The following RABGAP1L variants were observed in gnomAD, a reference collection of about 807,000 sequenced individuals.
RABGAP1L encodes RAB GTPase activating protein 1 like.
RABGAP1L carries 63 observed loss-of-function variants against 137.7 expected under a neutral mutation model. That is an observed-to-expected ratio of 0.46 (90% CI 0.37 to 0.56). The LOEUF is 0.56. Ranked by LOEUF, RABGAP1L falls within the 20% of genes least tolerant of loss-of-function variation. The pLI is 0.00. For synonymous variants in RABGAP1L, 431 were observed against 433.7 expected (o/e 0.99, Z 0.08); for missense variants, 1,095 against 1,244.0 (o/e 0.88, Z 1.80).
chr1:174,865,162 T>G (rs546135819), intron 19 of RABGAP1L, among the ~76,000 whole-genome samples: 1 of 152,190 alleles, frequency 6.6e-6, no homozygotes, highest in South Asian at 2.1e-4. Context: ...ACGTGCCACT[T>G]GCACAAATAT....
At chr1:174,355,317 C>T (rs1301039336) in intron 11 of RABGAP1L, among the ~76,000 whole-genome samples, 1 of 151,740 alleles carries the variant, frequency 6.6e-6, no homozygotes, top group African/African-American at 2.4e-5. Flanking sequence ...TTTGTAGGGA[C>T]ATGGATGAAA....
intron 1 of RABGAP1L, among the ~76,000 whole-genome samples, chr1:174,180,297 C>T (rs1173808000): frequency 6.6e-6 from 1 of 152,204 alleles, no homozygotes; most frequent in Non-Finnish European, 1.5e-5. Flanking sequence ...GGTGTGACCA[C>T]ACTGTCATTT....
At chr1:174,528,813 C>T (rs1269055583) in intron 13 of RABGAP1L, among the ~76,000 whole-genome samples, 2 of 151,880 alleles carry the variant, frequency 1.3e-5, no homozygotes, top group East Asian at 1.9e-4. Flanking sequence ...ATTCTCCCTT[C>T]GCCATCTGGG....
chr1:174,977,795 CAGAT>C (rs1395559689), intron 22 of RABGAP1L, among the ~76,000 whole-genome samples: 3 of 152,148 alleles, frequency 2.0e-5, no homozygotes, highest in African/African-American at 7.2e-5. Context: ...TAAATTATGT[CAGAT>C]AGAGAATAAA....
chr1:174,972,595 G>A (rs898320521), intron 21 of RABGAP1L, among the ~76,000 whole-genome samples: 1 of 152,086 alleles, frequency 6.6e-6, no homozygotes, highest in Non-Finnish European at 1.5e-5. Context: ...GCTCACGCCT[G>A]TAATCCTAGC....
intron 13 of RABGAP1L, among the ~76,000 whole-genome samples, chr1:174,403,166 A>C (rs925393882): frequency 6.7e-6 from 1 of 150,044 alleles, no homozygotes; most frequent in Non-Finnish European, 1.5e-5. Context: ...TTTTCTCCCA[A>C]ATGAATCTTT....
chr1:174,931,989 G>GTTTTTT (rs1558247691), intron 19 of RABGAP1L, among the ~76,000 whole-genome samples: 13 of 94,152 alleles, frequency 1.4e-4, no homozygotes, highest in Admixed American at 2.1e-4. Context: ...CTGCTTTTTT[G>GTTTTTT]GTTTTTTTTT....
intron 13 of RABGAP1L, among the ~76,000 whole-genome samples, chr1:174,567,691 T>A (rs1667677093): frequency 6.6e-6 from 1 of 152,196 alleles, no homozygotes; most frequent in East Asian, 1.9e-4. Flanking sequence ...TTGCTATCAT[T>A]GTTATTAGTT....
chr1:174,644,076 G>A (rs1388826746), intron 14 of RABGAP1L, among the ~76,000 whole-genome samples: 1 of 151,604 alleles, frequency 6.6e-6, no homozygotes, highest in Non-Finnish European at 1.5e-5. Flanking sequence ...GGTTTTTTTG[G>A]TCCTCTTTAA....
chr1:174,833,388 G>GTA (rs1361779570), intron 19 of RABGAP1L, among the ~76,000 whole-genome samples: 12,324 of 71,532 alleles, frequency 0.17, 866 homozygotes, highest in East Asian at 0.45. Flanking sequence ...GTGTGTGTGT[G>GTA]TGTGTGTGTG....
chr1:174,637,710 G>A (rs576337244), intron 14 of RABGAP1L, among the ~76,000 whole-genome samples: 12 of 152,278 alleles, frequency 7.9e-5, no homozygotes, highest in African/African-American at 2.2e-4. Flanking sequence ...CATAGCCTCA[G>A]TTTGGCTCTC....
intron 6 of RABGAP1L, among the ~76,000 whole-genome samples, chr1:174,252,052 A>G (rs1672757813): frequency 6.6e-6 from 1 of 151,632 alleles, no homozygotes; most frequent in Admixed American, 6.6e-5. Context: ...ATGCACCACC[A>G]CTCAGCTAAT....
intron 1 of RABGAP1L, among the ~76,000 whole-genome samples, chr1:174,175,625 T>TTA (rs1665781973): frequency 7.9e-6 from 1 of 127,142 alleles, no homozygotes; most frequent in Admixed American, 7.4e-5. Context: ...CCCGGCTACT[T>TTA]TTTTTTTTTT....
rs145032473 is a variant in RABGAP1L at position 174,219,249 on chromosome 1, A to T, written c.92A>T (p.Tyr31Phe). Residue 31 changes from tyrosine to phenylalanine, a missense_variant, in exon 2 of 26, where the codon TAT becomes TTT. Physicochemically the swap from Tyr to Phe is conservative, Grantham distance 22. Coordinates refer to ENST00000681986, the MANE Select transcript of RABGAP1L (RefSeq NM_001366446.1). The stretch of plus-strand genomic sequence containing the variant: ...GAAGAATTTGTTTTGGTTCCTCAGT[A>T]TGCAGATGATAATTCTACAAAACAT... ...NSEEFVLVPQ[Y>F]ADDNSTKHEE... 7 of 1,600,080 alleles carry T rather than the reference A, an allele frequency of 4.4e-6. No individual in the cohort carries two copies. The African/African-American group carries it at 9.4e-5, about 21-fold the overall frequency.
intron 14 of RABGAP1L, among the ~76,000 whole-genome samples, chr1:174,671,580 TTTC>T (rs1194432552): frequency 1.3e-5 from 2 of 152,228 alleles, no homozygotes; most frequent in Non-Finnish European, 2.9e-5. Context: ...ACTTTTATCA[TTTC>T]TTCTTCTAAT....
At chr1:174,934,627 A>C (rs998890657) in intron 19 of RABGAP1L, among the ~76,000 whole-genome samples, 9 of 151,864 alleles carry the variant, frequency 5.9e-5, no homozygotes, top group African/African-American at 9.7e-5. Context: ...TCATCTCCCC[A>C]AAAAAATACA....
At chr1:174,413,418 C>T (rs1306554731) in intron 13 of RABGAP1L, among the ~76,000 whole-genome samples, 1 of 152,138 alleles carries the variant, frequency 6.6e-6, no homozygotes, top group Admixed American at 6.6e-5. Context: ...TCCTTGCAAT[C>T]CATGCTTTGA....
chr1:174,503,447 G>A (rs1661512673), intron 13 of RABGAP1L, among the ~76,000 whole-genome samples: 1 of 152,144 alleles, frequency 6.6e-6, no homozygotes, highest in Admixed American at 6.5e-5. Flanking sequence ...GGACCATGAG[G>A]TGAGGAGATC....
At chr1:174,946,921 T>A (rs60967575) in intron 19 of RABGAP1L, among the ~76,000 whole-genome samples, 18,895 of 54,096 alleles carry the variant, frequency 0.35, 3,417 homozygotes, top group African/African-American at 0.43. Context: ...AAAAAAAATA[T>A]ATATATATAT....
Sources: gnomAD v4.1 joint callset for allele counts (sites outside exome capture counted in the v4.1 genomes callset) on GRCh38, gnomAD v4.1.1 for gene constraint, MANE v1.5 for transcripts, NCBI Gene and HGNC (gene_info 2026-07-23, HGNC 2026-07-21) for gene names.